Variants in CNPY1 observed in about 807,000 individuals in gnomAD.
The protein encoded by CNPY1 is protein canopy homolog 1.
CNPY1 carries 14 observed loss-of-function variants against 14.4 expected under a neutral mutation model. The observed-to-expected ratio is 0.97, with a 90% CI of 0.64 to 1.52. The LOEUF is 1.52. Among genes scored for constraint, CNPY1 ranks in the 40% most tolerant of loss-of-function variants. The pLI is 0.00. For missense variants in CNPY1, 129 were observed against 131.5 expected, an observed-to-expected ratio of 0.98 and a Z score of 0.09; for synonymous variants, 43 against 46.5, an observed-to-expected ratio of 0.92 and a Z score of 0.31.
chr7:155,506,986 G>T, intron 4 of CNPY1, 34 bp downstream of exon 4: 2 of 1,365,802 alleles, frequency 1.5e-6, no homozygotes, highest in Non-Finnish European at 2.1e-6. Context: ...GAGGGTGTGC[G>T]AGCAGCGAGC....
intron 2 of CNPY1, among the ~76,000 whole-genome samples, chr7:155,533,310 C>T (rs1261260918): frequency 1.3e-5 from 2 of 152,156 alleles, no homozygotes; most frequent in South Asian, 2.1e-4. Context: ...TGAGTCTGCT[C>T]GGATGTGCCG....
intron 2 of CNPY1, among the ~76,000 whole-genome samples, chr7:155,526,251 G>A (rs187814209): frequency 6.6e-5 from 10 of 152,300 alleles, no homozygotes; most frequent in South Asian, 6.2e-4. Context: ...TTTGATAAAC[G>A]GCTCTGGTAC....
intron 2 of CNPY1, among the ~76,000 whole-genome samples, chr7:155,515,367 G>A (rs1469387977): frequency 6.7e-6 from 1 of 149,384 alleles, no homozygotes; most frequent in Non-Finnish European, 1.5e-5. Context: ...TAGAACAAGA[G>A]GCTCTTCCAC....
At chr7:155,528,771 C>T (rs1226984610) in intron 2 of CNPY1, among the ~76,000 whole-genome samples, 1 of 152,166 alleles carries the variant, frequency 6.6e-6, no homozygotes, top group Non-Finnish European at 1.5e-5. Context: ...TAAGAAAAAA[C>T]AACTTTGGGC....
chr7:155,534,331 G>A (rs1012052696), intron 2 of CNPY1, among the ~76,000 whole-genome samples: 2 of 79,004 alleles, frequency 2.5e-5, no homozygotes, highest in Non-Finnish European at 6.5e-5. Flanking sequence ...GCACACACAC[G>A]TGCACAGAGG....
intron 2 of CNPY1, among the ~76,000 whole-genome samples, chr7:155,510,120 G>A (rs1046950199): frequency 6.6e-6 from 1 of 152,246 alleles, no homozygotes; most frequent in Non-Finnish European, 1.5e-5. Flanking sequence ...TTTCTGCAGT[G>A]TTGATCTATC....
chr7:155,504,728 A>AGT (rs1554447071), intron 4 of CNPY1, among the ~76,000 whole-genome samples: 2 of 146,260 alleles, frequency 1.4e-5, no homozygotes, highest in African/African-American at 5.1e-5. Context: ...ACACACACAC[A>AGT]GTCACATCTT....
At chr7:155,533,143 G>GC (rs1368981029) in intron 2 of CNPY1, among the ~76,000 whole-genome samples, 5 of 152,202 alleles carry the variant, frequency 3.3e-5, no homozygotes, top group African/African-American at 1.2e-4. Flanking sequence ...CATCTGCGTG[G>GC]CTCACACCAC....
At chr7:155,503,485 T>C (rs10268571) in intron 4 of CNPY1, among the ~76,000 whole-genome samples, 1,782 of 152,248 alleles carry the variant, frequency 0.012, 37 homozygotes, top group African/African-American at 0.041. Flanking sequence ...CAGAAGCAAC[T>C]AGATACTTTG....
At chr7:155,521,447 C>T (rs1279400304) in intron 2 of CNPY1, among the ~76,000 whole-genome samples, 1 of 152,142 alleles carries the variant, frequency 6.6e-6, no homozygotes, top group African/African-American at 2.4e-5. Context: ...CTCATGGCCC[C>T]TGAGCATCCC....
intron 2 of CNPY1, among the ~76,000 whole-genome samples, chr7:155,513,873 A>C (rs1036778935): frequency 6.6e-6 from 1 of 152,276 alleles, no homozygotes; most frequent in Non-Finnish European, 1.5e-5. Context: ...TCCTATTTTA[A>C]AACGTATTCT....
intron 2 of CNPY1, among the ~76,000 whole-genome samples, chr7:155,514,905 GTAAAA>G (rs1159570893): frequency 5.4e-5 from 8 of 148,878 alleles, no homozygotes; most frequent in Non-Finnish European, 1.0e-4. Flanking sequence ...AAAAAATAAA[GTAAAA>G]TAAAATAAAA....
intron 2 of CNPY1, among the ~76,000 whole-genome samples, chr7:155,543,440 C>G (rs975093095): frequency 6.6e-6 from 1 of 152,204 alleles, no homozygotes; most frequent in Non-Finnish European, 1.5e-5. Flanking sequence ...GCCAGATCCC[C>G]TACTTCCGAA....
At chr7:155,532,425 A>G (rs1796953455) in intron 2 of CNPY1, among the ~76,000 whole-genome samples, 1 of 151,490 alleles carries the variant, frequency 6.6e-6, no homozygotes, top group Non-Finnish European at 1.5e-5. Context: ...GATCAAGACC[A>G]TCTCGGCTAA....
At chr7:155,504,312 C>T (rs1328651952) in intron 4 of CNPY1, among the ~76,000 whole-genome samples, 2 of 152,060 alleles carry the variant, frequency 1.3e-5, no homozygotes, top group Non-Finnish European at 2.9e-5. Context: ...TATTTTCATC[C>T]AAACACAATC....
In CNPY1 at chr7:155,533,594, C is replaced by G. The variant is rs1439481707; in HGVS notation, c.99+12237G>C. On this transcript the variant is annotated intron_variant, in intron 2 of 4. Coordinates refer to ENST00000636446, the MANE Select transcript of CNPY1 (RefSeq NM_001393663.1). ...GCCCGTCGCTTCGCTCCGTCCCGGT[C>G]CGGCGTGAAACCCCCGAGGGGAAAA... 3.9e-5 allele frequency among the ~76,000 whole-genome samples: 6 copies of G among 152,170 alleles called. No homozygotes were observed. The East Asian group carries it at 1.2e-3, about 29-fold the overall frequency.
At chr7:155,540,012 C>T (rs1797066022) in intron 2 of CNPY1, among the ~76,000 whole-genome samples, 2 of 152,172 alleles carry the variant, frequency 1.3e-5, no homozygotes, top group South Asian at 4.1e-4. Flanking sequence ...CTTTGAGCTG[C>T]CCTCAGAAGA....
chr7:155,533,374 C>T (rs975457384), intron 2 of CNPY1, among the ~76,000 whole-genome samples: 4 of 152,238 alleles, frequency 2.6e-5, no homozygotes, highest in Non-Finnish European at 5.9e-5. Flanking sequence ...CGAGCTTGTG[C>T]CTCATTCCCG....
At chr7:155,503,923 C>T (rs1002810367) in intron 4 of CNPY1, among the ~76,000 whole-genome samples, 2 of 152,158 alleles carry the variant, frequency 1.3e-5, no homozygotes, top group Non-Finnish European at 2.9e-5. Context: ...CTGTTCCATA[C>T]CTTGAGTGGC....
Sources: gnomAD v4.1 joint callset for allele counts (sites outside exome capture counted in the v4.1 genomes callset) on GRCh38, gnomAD v4.1.1 for gene constraint, MANE v1.5 for transcripts, NCBI Gene and HGNC (gene_info 2026-07-23, HGNC 2026-07-21) for gene names.